The following GCSH variants were observed in gnomAD, a reference collection of about 807,000 sequenced individuals.
The protein encoded by GCSH is glycine cleavage system H protein, mitochondrial.
A neutral mutation model predicts 21.3 loss-of-function variants in GCSH; 15 were observed. That is an observed-to-expected ratio of 0.70 (90% confidence interval 0.47 to 1.08). The LOEUF (loss-of-function observed/expected upper bound fraction) is 1.08. Among genes scored for constraint, GCSH ranks in the 50% least tolerant of loss-of-function variants. The pLI, the probability that GCSH is intolerant of heterozygous loss-of-function variation, is 0.00. For missense variants in GCSH, 179 were observed against 217.5 expected, an observed-to-expected ratio of 0.82 and a Z score of 1.11; for synonymous variants, 59 against 84.5, an observed-to-expected ratio of 0.70 and a Z score of 1.66.
Position 81,096,362 on chromosome 16 carries a change from G to T in GCSH, c.-84C>A. The stretch of plus-strand genomic sequence containing the variant: ...GGCGGGGAGGGGCAGTTCGCGGCCG[G>T]AGGGAGCCGGCTGGATGGAGGCGCG... On this transcript the variant is annotated 5_prime_UTR_variant, in exon 1 of 5. Coordinates refer to ENST00000315467, the MANE Select transcript of GCSH (RefSeq NM_004483.5). 8.8e-7 allele frequency: 1 copy of T among 1,140,936 alleles called. No homozygotes were observed. Among genetic ancestry groups the T allele is most frequent in the Non-Finnish European group, 1.1e-6 (1 of 873,294 alleles). 70.7% of individuals were successfully genotyped at this position (1,140,936 alleles called of 1,614,324 possible).
intron 1 of GCSH, among the ~76,000 whole-genome samples, chr16:81,095,629 T>TCCTCGGCCTCCCAAAGTGCTGGGGTTA (rs61361276): frequency 6.7e-6 from 1 of 150,354 alleles, no homozygotes; most frequent in Admixed American, 6.6e-5. Context: ...TGATCCGCCC[T>TCCTCGGCCTCCCAAAGTGCTGGGGTTA]CCGGCATGAG....
chr16:81,089,577 G>A (rs911752028), intron 2 of GCSH, among the ~76,000 whole-genome samples: 19 of 151,988 alleles, frequency 1.3e-4, no homozygotes, highest in Non-Finnish European at 1.5e-5. Context: ...GGGCACCCTA[G>A]GAGGCTCACA....
intron 1 of GCSH, chr16:81,091,228 A>G: frequency 2.6e-6 from 1 of 382,086 alleles, no homozygotes; most frequent in South Asian, 1.9e-5. Context: ...ACCTCCTGGA[A>G]CAACTATAAT....
At chr16:81,086,334 A>G (rs933316088) in intron 3 of GCSH, among the ~76,000 whole-genome samples, 1 of 152,044 alleles carries the variant, frequency 6.6e-6, no homozygotes, top group Admixed American at 6.6e-5. Context: ...CGAGTTCAAG[A>G]CCAGCCTGGC....
intron 1 of GCSH, among the ~76,000 whole-genome samples, chr16:81,093,370 G>A (rs1972437914): frequency 6.6e-6 from 1 of 152,058 alleles, no homozygotes; most frequent in African/African-American, 2.4e-5. Flanking sequence ...GCCTACCTGT[G>A]AAGATAATTT....
chr16:81,088,770 T>A (rs548123699), intron 2 of GCSH, among the ~76,000 whole-genome samples: 1 of 152,126 alleles, frequency 6.6e-6, no homozygotes, highest in African/African-American at 2.4e-5. Flanking sequence ...ATGTACACCA[T>A]TGCCCCCAAA....
chr16:81,082,706 G>A lies in GCSH; in HGVS notation c.*160C>T. On this transcript the variant is annotated 3_prime_UTR_variant, in exon 5 of 5. Transcript: ENST00000315467. ...TATATTTATCTATAATCATTAGAAA[G>A]TTAAAGGGCATTTTCTTTCATTAGC... The A allele has an allele frequency of 3.5e-6, 2 of 565,614 alleles. No homozygotes were observed. Among genetic ancestry groups the A allele is most frequent in the Non-Finnish European group, 6.2e-6 (2 of 322,102 alleles). The allele number at this position is 565,614 out of a possible 1,614,324, so 35.0% of individuals were successfully genotyped here. A position where few individuals can be genotyped will look rare whatever the true frequency, so the allele number is the denominator to read the frequency against.
intron 3 of GCSH, among the ~76,000 whole-genome samples, chr16:81,086,511 C>T (rs1206693691): frequency 3.3e-5 from 5 of 151,840 alleles, no homozygotes; most frequent in Admixed American, 6.6e-5. Context: ...GAGCCAATGT[C>T]GCACCATCGC....
At chr16:81,087,999 A>G (rs1176584628) in intron 2 of GCSH, among the ~76,000 whole-genome samples, 37 of 152,102 alleles carry the variant, frequency 2.4e-4, no homozygotes, top group Admixed American at 2.4e-3. Flanking sequence ...GGTGGCAGGC[A>G]CTTGCAATCC....
In GCSH at chr16:81,095,890, C is replaced by A. The variant is rs874437; in HGVS notation, c.148+241G>T. 0.9 allele frequency among the ~76,000 whole-genome samples: 136,330 copies of A among 152,040 alleles called. 61,303 individuals carry two copies. The highest frequency in any genetic ancestry group is 1 in the East Asian group (5,133 of 5,138). ...CCCCGCCTCGGTGTCCCGCAGGCCT[C>A]CCCTCCCGGCTGCATGCAATCCCTA... On this transcript the variant is annotated intron_variant, in intron 1 of 4. Transcript: ENST00000315467.
chr16:81,095,630 C>CCT (rs66776307), intron 1 of GCSH, among the ~76,000 whole-genome samples: 2 of 7,060 alleles, frequency 2.8e-4, no homozygotes, highest in Non-Finnish European at 4.6e-4. Flanking sequence ...GATCCGCCCT[C>CCT]CGGCATGAGC....
chr16:81,082,068 T>A lies in GCSH; in HGVS notation c.*798A>T, dbSNP rs1972174627. The A allele has an allele frequency of 2.2e-6, 1 of 454,032 alleles. No individual in the cohort carries two copies. The highest frequency in any genetic ancestry group is 2.0e-5 in the African/African-American group (1 of 50,008). 28.1% of individuals were successfully genotyped at this position (454,032 alleles called of 1,614,324 possible). On this transcript the variant is annotated 3_prime_UTR_variant, in exon 5 of 5. Transcript: ENST00000315467. ...ACTGATCAAAACTTCCACCTTCCTCTGTCTTTCCTCTTCTTTCTTCAGACC... is the reference window on the plus strand; with the variant it reads ...ACTGATCAAAACTTCCACCTTCCTCAGTCTTTCCTCTTCTTTCTTCAGACC...
chr16:81,088,172 C>T (rs1002156107), intron 2 of GCSH, among the ~76,000 whole-genome samples: 1 of 151,984 alleles, frequency 6.6e-6, no homozygotes, highest in Middle Eastern at 3.2e-3. Flanking sequence ...GCCTGTAATC[C>T]CAGCTCTTAG....
chr16:81,096,085 GC>G, intron 1 of GCSH, 45 bp downstream of exon 1: 1 of 1,229,940 alleles, frequency 8.1e-7, no homozygotes, highest in Non-Finnish European at 1.0e-6. Context: ...GGGACAAGCA[GC>G]CCAGGCGGGG....
At chr16:81,094,712 T>C (rs1162955592) in intron 1 of GCSH, among the ~76,000 whole-genome samples, 1 of 151,846 alleles carries the variant, frequency 6.6e-6, no homozygotes, top group Non-Finnish European at 1.5e-5. Context: ...CCAAACAGGT[T>C]TCTAAAACAA....
chr16:81,094,129 ACCTCAGGTGATCCGCCCG>A (rs368609209), intron 1 of GCSH, among the ~76,000 whole-genome samples: 5 of 151,926 alleles, frequency 3.3e-5, no homozygotes, highest in African/African-American at 1.2e-4. Context: ...TGAACTCCTG[ACCTCAGGTGATCCGCCCG>A]CCTCAGCCTC....
At position 81,081,979 on chromosome 16, in the gene GCSH, T is replaced by C. The variant is rs905000481; in HGVS notation, c.*887A>G. ...ATAAAGCTTCAGTCCTTGTCCACTT[T>C]TATTCCCATGACTTAAGTGGAAACC... On this transcript the variant is annotated 3_prime_UTR_variant, in exon 5 of 5. Transcript: ENST00000315467. 1 of 452,496 alleles carries C rather than the reference T, an allele frequency of 2.2e-6. No individual in the cohort carries two copies. The highest frequency in any genetic ancestry group is 2.0e-5 in the African/African-American group (1 of 49,976). 28.0% of individuals were successfully genotyped at this position (452,496 alleles called of 1,614,324 possible).
intron 1 of GCSH, among the ~76,000 whole-genome samples, chr16:81,093,924 CAG>C (rs1218530070): frequency 1.3e-5 from 2 of 152,050 alleles, no homozygotes; most frequent in Admixed American, 6.6e-5. Flanking sequence ...TTTTTTGAGA[CAG>C]AGTCTCACTC....
At position 81,082,078 on chromosome 16, in the gene GCSH, CTTCT is replaced by C. The variant is rs1972174824; in HGVS notation, c.*784_*787del. On this transcript the variant is annotated 3_prime_UTR_variant, in exon 5 of 5. Coordinates refer to ENST00000315467, the MANE Select transcript of GCSH (RefSeq NM_004483.5). ...ACTTCCACCTTCCTCTGTCTTTCCT[CTTCT>C]TTCTTCAGACCTCGCATGATAGAAA... 2.2e-6 allele frequency: 1 copy of C among 454,118 alleles called. No homozygotes were observed. Among genetic ancestry groups the C allele is most frequent in the Non-Finnish European group, 4.4e-6 (1 of 226,794 alleles). 28.1% of individuals were successfully genotyped at this position (454,118 alleles called of 1,614,324 possible).
Sources: gnomAD v4.1 joint callset for allele counts (sites outside exome capture counted in the v4.1 genomes callset) on GRCh38, gnomAD v4.1.1 for gene constraint, MANE v1.5 for transcripts, NCBI Gene and HGNC (gene_info 2026-07-23, HGNC 2026-07-21) for gene names.